Variants in DDAH1 observed in about 807,000 individuals in gnomAD.
DDAH1 encodes the protein N(G),N(G)-dimethylarginine dimethylaminohydrolase 1.
A neutral mutation model predicts 28.8 loss-of-function variants in DDAH1; 19 were observed. The observed-to-expected ratio is 0.66, with a 90% CI of 0.46 to 0.97. The LOEUF is 0.97. Ranked by LOEUF, DDAH1 falls within the 50% of genes least tolerant of loss-of-function variation. The pLI is 0.00. For synonymous variants in DDAH1, 153 were observed against 154.4 expected, an observed-to-expected ratio of 0.99 and a Z score of 0.07; for missense variants, 326 against 375.9, an observed-to-expected ratio of 0.87 and a Z score of 1.10.
chr1:85,432,704 A>C (rs1416288330), intron 1 of DDAH1, among the ~76,000 whole-genome samples: 1 of 152,208 alleles, frequency 6.6e-6, no homozygotes, highest in Admixed American at 6.5e-5. Flanking sequence ...AACAGAAATG[A>C]ATCTCAGTTT....
chr1:85,456,589 A>C (rs762665360), intron 1 of DDAH1, among the ~76,000 whole-genome samples: 1 of 152,252 alleles, frequency 6.6e-6, no homozygotes, highest in Non-Finnish European at 1.5e-5. Flanking sequence ...GGCTAATGTA[A>C]ATGTTCTGAG....
At chr1:85,391,990 AT>A (rs746920370) in intron 1 of DDAH1, among the ~76,000 whole-genome samples, 3 of 151,812 alleles carry the variant, frequency 2.0e-5, no homozygotes, top group Non-Finnish European at 1.5e-5. Flanking sequence ...TTATCTATTT[AT>A]TTTTTTTAAT....
At chr1:85,439,001 C>A (rs185023739) in intron 1 of DDAH1, among the ~76,000 whole-genome samples, 5 of 152,146 alleles carry the variant, frequency 3.3e-5, no homozygotes, top group African/African-American at 9.7e-5. Flanking sequence ...ATCTTAGTCA[C>A]GGTATTTAAC....
chr1:85,364,192 A>T (rs778940291), intron 1 of DDAH1, among the ~76,000 whole-genome samples: 1 of 152,154 alleles, frequency 6.6e-6, no homozygotes, highest in African/African-American at 2.4e-5. Flanking sequence ...TGTATGATTA[A>T]GATTCTCCTG....
intron 1 of DDAH1, among the ~76,000 whole-genome samples, chr1:85,509,756 T>C (rs1657157044): frequency 6.6e-6 from 1 of 152,042 alleles, no homozygotes; most frequent in African/African-American, 2.4e-5. Flanking sequence ...CAAATCAAAT[T>C]AATGAAATCA....
At chr1:85,436,248 CT>C (rs949452102) in intron 1 of DDAH1, among the ~76,000 whole-genome samples, 1 of 151,362 alleles carries the variant, frequency 6.6e-6, no homozygotes, top group Admixed American at 6.6e-5. Context: ...TTTTTTTTCC[CT>C]TTATTTTAAC....
chr1:85,492,399 AT>A (rs1469737792), intron 2 of DDAH1, among the ~76,000 whole-genome samples: 4 of 152,348 alleles, frequency 2.6e-5, no homozygotes, highest in East Asian at 3.9e-4. Context: ...ATAGAAAAAA[AT>A]AAATGCAGAA....
intron 1 of DDAH1, among the ~76,000 whole-genome samples, chr1:85,511,096 G>A (rs527337016): frequency 6.6e-6 from 1 of 152,278 alleles, no homozygotes; most frequent in African/African-American, 2.4e-5. Context: ...GCACATAGTT[G>A]GAAGTAAAGT....
chr1:85,565,252 A>G (rs948084407), intron 1 of DDAH1, among the ~76,000 whole-genome samples: 1 of 152,212 alleles, frequency 6.6e-6, no homozygotes, highest in Non-Finnish European at 1.5e-5. Context: ...CTGATTTCTC[A>G]TCAGAAACAA....
At chr1:85,453,077 G>C (rs1654735977) in intron 1 of DDAH1, among the ~76,000 whole-genome samples, 1 of 152,196 alleles carries the variant, frequency 6.6e-6, no homozygotes, top group Admixed American at 6.5e-5. Context: ...CCTCAGGGCA[G>C]GCGAGTGTTT....
intron 1 of DDAH1, among the ~76,000 whole-genome samples, chr1:85,527,713 T>C (rs1400942414): frequency 6.6e-6 from 1 of 152,210 alleles, no homozygotes; most frequent in African/African-American, 2.4e-5. Context: ...AATTTTTTTT[T>C]CATATTGGTC....
intron 1 of DDAH1, among the ~76,000 whole-genome samples, chr1:85,556,887 C>A (rs927784553): frequency 2.0e-5 from 3 of 152,086 alleles, no homozygotes; most frequent in African/African-American, 7.2e-5. Context: ...GAGGCCGAGG[C>A]GGGCTGATTA....
chr1:85,332,554 GCCCATGGGC>G, intron 4 of DDAH1, among the ~76,000 whole-genome samples: 1 of 152,252 alleles, frequency 6.6e-6, no homozygotes, highest in East Asian at 1.9e-4. Flanking sequence ...CACAGCCTGG[GCCCATGGGC>G]CCCATGGGGG....
intron 1 of DDAH1, among the ~76,000 whole-genome samples, chr1:85,428,569 AT>A (rs1343100297): frequency 6.6e-6 from 1 of 152,162 alleles, no homozygotes; most frequent in East Asian, 1.9e-4. Flanking sequence ...CAGCCAAACC[AT>A]ATCAGAGACA....
At chr1:85,363,389 A>G (rs1179856890) in intron 1 of DDAH1, among the ~76,000 whole-genome samples, 7 of 152,130 alleles carry the variant, frequency 4.6e-5, no homozygotes, top group Non-Finnish European at 8.8e-5. Context: ...GCTATCACCA[A>G]TGTCACCACT....
intron 1 of DDAH1, among the ~76,000 whole-genome samples, chr1:85,558,517 A>C (rs1352088165): frequency 6.6e-6 from 1 of 152,214 alleles, no homozygotes; most frequent in Non-Finnish European, 1.5e-5. Context: ...CCATTATCAC[A>C]AAATGAATAC....
rs75390293 is a variant in DDAH1, at chr1:85,464,126, T to C, written c.303+617A>G. ...AGTACAGCTTTTCAAACCTAGCCCATTCATGCACACATTTAGCACAGCTCA... is the reference window on the plus strand; with the variant it reads ...AGTACAGCTTTTCAAACCTAGCCCACTCATGCACACATTTAGCACAGCTCA... On this transcript the variant is annotated intron_variant, in intron 1 of 5. Coordinates refer to ENST00000284031, the MANE Select transcript of DDAH1 (RefSeq NM_012137.4). This position sits in a 1 kb window ranked among gnomAD's most constrained non-coding sequence, Gnocchi z 4.4. Among the ~76,000 whole-genome samples the C allele has an allele frequency of 1.9e-3, 291 of 152,316 alleles. 2 individuals carry two copies. Among genetic ancestry groups the C allele is most frequent in the African/African-American group, 6.2e-3 (257 of 41,562 alleles).
At chr1:85,347,673 G>A (rs759743400) in intron 4 of DDAH1, among the ~76,000 whole-genome samples, 10 of 152,048 alleles carry the variant, frequency 6.6e-5, no homozygotes, top group Non-Finnish European at 1.2e-4. Context: ...TAAATAACGA[G>A]TTAATAGGTG....
At chr1:85,331,815 T>C (rs1229430645) in intron 4 of DDAH1, among the ~76,000 whole-genome samples, 2 of 152,140 alleles carry the variant, frequency 1.3e-5, no homozygotes, top group Non-Finnish European at 2.9e-5. Context: ...AAATAGCAAG[T>C]AGATAATCAT....
Sources: allele counts gnomAD v4.1 joint callset (sites outside exome capture counted in the v4.1 genomes callset), GRCh38; gene constraint gnomAD v4.1.1; non-coding constraint Gnocchi (gnomAD v3.1); transcripts MANE v1.5; gene names NCBI Gene and HGNC (gene_info 2026-07-23, HGNC 2026-07-21).